Variants in KLHDC8A observed in about 807,000 individuals in gnomAD.
KLHDC8A encodes the protein kelch domain containing 8A.
In KLHDC8A, 21 loss-of-function variants were observed where a neutral mutation model predicts 33.1. The ratio of observed to expected loss-of-function variants is 0.64; its 90% CI spans 0.45 to 0.91. The LOEUF (loss-of-function observed/expected upper bound fraction) is 0.91. KLHDC8A is among the 40% of genes least tolerant of loss of function. The pLI, the probability that KLHDC8A is intolerant of heterozygous loss-of-function variation, is 0.00. For missense variants in KLHDC8A, 435 were observed against 483.3 expected (o/e 0.90, Z 0.94); for synonymous variants, 173 against 193.5 (o/e 0.89, Z 0.88).
At chr1:205,353,377 C>A (rs1663173278) in intron 1 of KLHDC8A, among the ~76,000 whole-genome samples, 1 of 152,226 alleles carries the variant, frequency 6.6e-6, no homozygotes, top group Admixed American at 6.5e-5. Context: ...GGCTTTCCCA[C>A]TACAACAGCA....
intron 5 of KLHDC8A, 121 bp downstream of exon 5, chr1:205,338,374 A>C: frequency 1.4e-6 from 1 of 725,202 alleles, no homozygotes; most frequent in South Asian, 1.7e-5. Context: ...AATTTTTTGG[A>C]GTATAGTGGT....
intron 1 of KLHDC8A, chr1:205,344,141 G>A (rs1416164462): frequency 6.6e-6 from 1 of 152,238 alleles, no homozygotes; most frequent in African/African-American, 2.4e-5. Context: ...TACGCTGCCA[G>A]GCCCGGGGAG....
rs974827387 is a variant in KLHDC8A, at chr1:205,356,612, C to G, written c.-269G>C. On this transcript the variant is annotated 5_prime_UTR_variant, in exon 1 of 6. Coordinates refer to ENST00000367155, the MANE Select transcript of KLHDC8A (RefSeq NM_018203.3). ...GGGGAGGGGCCGGGAGAGGGTCGAG[C>G]GGGTGTTGGCTCTGAGGCTTGTCCT... 2.2e-6 allele frequency: 1 copy of G among 455,932 alleles called. No homozygotes were observed. Among genetic ancestry groups the G allele is most frequent in the African/African-American group, 2.0e-5 (1 of 50,062 alleles). The allele number at this position is 455,932 out of a possible 1,614,324, so 28.2% of individuals were successfully genotyped here.
At chr1:205,352,413 C>T (rs1198962474) in intron 1 of KLHDC8A, among the ~76,000 whole-genome samples, 1 of 152,072 alleles carries the variant, frequency 6.6e-6, no homozygotes, top group African/African-American at 2.4e-5. Context: ...CCCTTGTTCC[C>T]AGAGAAAGGA....
Position 205,356,560 on chromosome 1 carries a change from C to T in KLHDC8A, c.-217G>A, listed in dbSNP as rs950855586. On this transcript the variant is annotated 5_prime_UTR_variant, in exon 1 of 6. Transcript: ENST00000367155. The stretch of plus-strand genomic sequence containing the variant: ...GACTGGAGGGAAAAGGATCGACACC[C>T]GGCGATCATCTGCAAAAGACAAAGA... 1 of 456,274 alleles carries T rather than the reference C, an allele frequency of 2.2e-6. No individual in the cohort carries two copies. Among genetic ancestry groups the T allele is most frequent in the South Asian group, 1.5e-5 (1 of 64,562 alleles). 28.3% of individuals were successfully genotyped at this position (456,274 alleles called of 1,614,324 possible). A position where few individuals can be genotyped will look rare whatever the true frequency, so the allele number is the denominator to read the frequency against.
chr1:205,339,516 C>G lies in KLHDC8A; in HGVS notation c.542-107G>C. On this transcript the variant is annotated intron_variant, in intron 3 of 5. Coordinates refer to ENST00000367155, the MANE Select transcript of KLHDC8A (RefSeq NM_018203.3). This position sits in a 1 kb window ranked among gnomAD's most constrained non-coding sequence, Gnocchi z 5.1. ...CAGTTACTCATTCATACAGGAAGCTCCCGGTGGGCTGGGCAGTGTGATTAT... is the reference window on the plus strand; with the variant it reads ...CAGTTACTCATTCATACAGGAAGCTGCCGGTGGGCTGGGCAGTGTGATTAT... 1 of 1,415,706 alleles carries G rather than the reference C, an allele frequency of 7.1e-7. No individual in the cohort carries two copies. The highest frequency in any genetic ancestry group is 1.3e-5 in the South Asian group (1 of 79,292). The allele number at this position is 1,415,706 out of a possible 1,614,324, so 87.7% of individuals were successfully genotyped here.
chr1:205,341,775 C>T (rs998560011), intron 2 of KLHDC8A, among the ~76,000 whole-genome samples: 2 of 152,198 alleles, frequency 1.3e-5, no homozygotes, highest in African/African-American at 2.4e-5. Context: ...CTCAGCCTCC[C>T]GAGTAGCTGG....
rs957054190 is a variant in KLHDC8A, at chr1:205,356,838, G to A, written c.-495C>T. On this transcript the variant is annotated 5_prime_UTR_variant, in exon 1 of 6. Coordinates refer to ENST00000367155, the MANE Select transcript of KLHDC8A (RefSeq NM_018203.3). ...TTCCAGGAGGCGTGACCCCCCTACT[G>A]AGAGGGCCTCAGCCAGCTCGTCAGA... 7 of 280,302 alleles carry A rather than the reference G, an allele frequency of 2.5e-5. No individual in the cohort carries two copies. The highest frequency in any genetic ancestry group is 1.4e-4 in the Admixed American group (3 of 21,840). 17.4% of individuals were successfully genotyped at this position (280,302 alleles called of 1,614,324 possible).
At chr1:205,341,657 C>CT (rs59261635) in intron 2 of KLHDC8A, among the ~76,000 whole-genome samples, 42 of 147,934 alleles carry the variant, frequency 2.8e-4, no homozygotes, top group East Asian at 2.2e-3. Flanking sequence ...GTTTCTTTTT[C>CT]TTTTTTTTTT....
chr1:205,351,472 G>C (rs1663103153), intron 1 of KLHDC8A: 2 of 780,634 alleles, frequency 2.6e-6, no homozygotes, highest in Admixed American at 3.4e-5. Context: ...CTTGGAATGA[G>C]TATAAATAAT....
At chr1:205,342,101 A>G (rs983874255) in intron 2 of KLHDC8A, among the ~76,000 whole-genome samples, 2 of 152,360 alleles carry the variant, frequency 1.3e-5, no homozygotes, top group Middle Eastern at 3.4e-3. Context: ...CACAGACTCA[A>G]TCATCACTAT....
rs1393725953 is a variant in KLHDC8A at position 205,336,459 on chromosome 1, TC to T, written c.*939del. On this transcript the variant is annotated 3_prime_UTR_variant, in exon 6 of 6. Coordinates refer to ENST00000367155, the MANE Select transcript of KLHDC8A (RefSeq NM_018203.3). ...ATGCAGGAGGGATTGTTTTATGGGGTCCTCCCTGCCCCTCAAGACACCCTTC... is the reference window on the plus strand; with the variant it reads ...ATGCAGGAGGGATTGTTTTATGGGGTCTCCCTGCCCCTCAAGACACCCTTC... 5 of 152,446 alleles carry T rather than the reference TC, an allele frequency of 3.3e-5. No individual in the cohort carries two copies. Among genetic ancestry groups the T allele is most frequent in the Non-Finnish European group, 7.3e-5 (5 of 68,062 alleles). 9.4% of individuals were successfully genotyped at this position (152,446 alleles called of 1,614,324 possible). A position where few individuals can be genotyped will look rare whatever the true frequency, so the allele number is the denominator to read the frequency against.
intron 1 of KLHDC8A, among the ~76,000 whole-genome samples, chr1:205,355,732 A>G (rs1472450214): frequency 6.6e-6 from 1 of 152,180 alleles, no homozygotes; most frequent in East Asian, 1.9e-4. Context: ...GACTTGCCCA[A>G]GGTCACACAG....
At chr1:205,344,244 C>G (rs945282788) in intron 1 of KLHDC8A, 1 of 152,280 alleles carries the variant, frequency 6.6e-6, no homozygotes, top group African/African-American at 2.4e-5. Context: ...CTGTCCTTCC[C>G]CAGTCCGCGC....
intron 1 of KLHDC8A, among the ~76,000 whole-genome samples, chr1:205,352,801 G>T (rs1210925628): frequency 6.6e-6 from 1 of 152,232 alleles, no homozygotes; most frequent in East Asian, 1.9e-4. Flanking sequence ...AGTGAAGGAG[G>T]GAGTGGCAGG....
chr1:205,345,098 C>G (rs1032579910), intron 1 of KLHDC8A, among the ~76,000 whole-genome samples: 1 of 152,178 alleles, frequency 6.6e-6, no homozygotes, highest in South Asian at 2.1e-4. Flanking sequence ...AGAGAACCAA[C>G]CACCTGGTCT....
intron 2 of KLHDC8A, among the ~76,000 whole-genome samples, chr1:205,341,134 G>A (rs1480204348): frequency 6.6e-6 from 1 of 152,114 alleles, no homozygotes; most frequent in Non-Finnish European, 1.5e-5. Flanking sequence ...GACTGTAGGT[G>A]GCCTTTCAAA....
intron 1 of KLHDC8A, among the ~76,000 whole-genome samples, chr1:205,345,406 T>A (rs1041684300): frequency 6.6e-6 from 1 of 152,192 alleles, no homozygotes; most frequent in African/African-American, 2.4e-5. Context: ...GCACAGTATA[T>A]ATCACAACCA....
chr1:205,348,157 C>T (rs961390660), intron 1 of KLHDC8A, among the ~76,000 whole-genome samples: 14 of 151,954 alleles, frequency 9.2e-5, no homozygotes, highest in Admixed American at 2.0e-4. Context: ...CACTAAACTG[C>T]GGTACCTTAG....
Sources: allele counts gnomAD v4.1 joint callset (sites outside exome capture counted in the v4.1 genomes callset), GRCh38; gene constraint gnomAD v4.1.1; non-coding constraint Gnocchi (gnomAD v3.1); transcripts MANE v1.5; gene names NCBI Gene and HGNC (gene_info 2026-07-23, HGNC 2026-07-21).